WDR47: variants seen among roughly 807,000 people sequenced by gnomAD.
The protein encoded by WDR47 is WD repeat domain 47.
In WDR47, 32 loss-of-function variants were observed where a neutral mutation model predicts 97.2. The ratio of observed to expected loss-of-function variants is 0.33; its 90% CI spans 0.25 to 0.44. WDR47 has a LOEUF of 0.44. WDR47 is among the 20% of genes least tolerant of loss of function. The probability of loss-of-function intolerance (pLI) is 1.00; values close to 1 mark genes in which losing one functional copy is unlikely to be tolerated. For missense variants in WDR47, 782 were observed against 1,102.3 expected (o/e 0.71, Z 4.11); for synonymous variants, 375 against 373.5 (o/e 1.00, Z -0.05).
At chr1:108,985,309 G>A (rs1057249730) in intron 10 of WDR47, among the ~76,000 whole-genome samples, 1 of 152,066 alleles carries the variant, frequency 6.6e-6, no homozygotes, top group African/African-American at 2.4e-5. Flanking sequence ...AAAAAGCCAA[G>A]CTCTTTCTCA....
chr1:108,974,824 G>T, intron 13 of WDR47, 70 bp from the exon 14 acceptor site: 1 of 1,181,038 alleles, frequency 8.5e-7, no homozygotes, highest in Non-Finnish European at 1.2e-6. Context: ...AGCTGATTAT[G>T]TCCATTGAAC....
intron 9 of WDR47, 92 bp downstream of exon 9, chr1:108,991,162 A>C: frequency 1.6e-6 from 2 of 1,253,218 alleles, no homozygotes; most frequent in East Asian, 2.4e-5. Context: ...ACCACGTCTG[A>C]CTAAAATGGT....
intron 2 of WDR47, among the ~76,000 whole-genome samples, chr1:109,022,057 AGTCTG>A (rs1425168262): frequency 2.6e-5 from 4 of 152,066 alleles, no homozygotes; most frequent in Admixed American, 2.6e-4. Flanking sequence ...TACGTTGGCC[AGTCTG>A]GTCTCAAACT....
intron 6 of WDR47, among the ~76,000 whole-genome samples, chr1:109,004,073 G>A (rs927328398): frequency 6.6e-6 from 1 of 151,912 alleles, no homozygotes; most frequent in Admixed American, 6.6e-5. Context: ...GACCATCCTG[G>A]CTAACATGGT....
chr1:108,985,114 CAG>C (rs913544874), intron 10 of WDR47, among the ~76,000 whole-genome samples: 12 of 152,182 alleles, frequency 7.9e-5, no homozygotes, highest in African/African-American at 2.9e-4. Flanking sequence ...CAATCACAGG[CAG>C]AGTCATCATC....
intron 3 of WDR47, among the ~76,000 whole-genome samples, chr1:109,015,803 T>C (rs1428036604): frequency 6.7e-6 from 1 of 150,004 alleles, no homozygotes; most frequent in Non-Finnish European, 1.5e-5. Flanking sequence ...CTGACCAACA[T>C]GGTGAAACCC....
In WDR47 at chr1:108,982,633, G is replaced by C. The variant is rs769139292; in HGVS notation, c.2242C>G (p.Leu748Val). ...YTTDCQRGQG[L>V]HALSGHTGHI... Reference sequence around the variant, plus strand: ...CCAGTATGTCCACTCAAAGCATGGAGGCCCTGTCCTCTTTGACAATCGGTT... The same window carrying C: ...CCAGTATGTCCACTCAAAGCATGGACGCCCTGTCCTCTTTGACAATCGGTT... Residue 748 changes from leucine to valine, a missense_variant, in exon 12 of 15, where the codon CTC (leucine) becomes GTC (valine). Physicochemically the swap from Leu to Val is conservative, Grantham distance 32. Around this residue, in one of 3 missense-constraint regions of WDR47, gnomAD observed 228 missense variants for 396.7 expected, o/e 0.57. Transcript: ENST00000369962. 3 of 1,609,402 alleles carry C rather than the reference G, an allele frequency of 1.9e-6. No homozygotes were observed. Among genetic ancestry groups the C allele is most frequent in the Non-Finnish European group, 2.5e-6 (3 of 1,178,874 alleles).
chr1:109,018,103 A>G (rs940666657), intron 2 of WDR47, among the ~76,000 whole-genome samples: 2 of 152,126 alleles, frequency 1.3e-5, no homozygotes, highest in African/African-American at 4.8e-5. Flanking sequence ...AGAATTTGTG[A>G]ATCTGCAACC....
At chr1:108,981,692 A>G (rs370170653) in intron 13 of WDR47, 41 bp downstream of exon 13, 139 of 1,564,322 alleles carry the variant, frequency 8.9e-5, no homozygotes, top group Admixed American at 1.8e-4. Context: ...TCTAATTTAC[A>G]AAGTTTTTTT....
chr1:108,971,916 T>C (rs991126792), intron 14 of WDR47, among the ~76,000 whole-genome samples: 24 of 152,146 alleles, frequency 1.6e-4, no homozygotes, highest in African/African-American at 5.6e-4. Flanking sequence ...AACCCTCAGA[T>C]TTCTTCTGTT....
intron 1 of WDR47, among the ~76,000 whole-genome samples, chr1:109,039,127 A>G (rs1406804920): frequency 6.6e-6 from 1 of 152,248 alleles, no homozygotes; most frequent in Non-Finnish European, 1.5e-5. Flanking sequence ...CAGGTGGGTA[A>G]TGAGTGATGA....
rs2101945891 is a variant in WDR47 at position 109,011,733 on chromosome 1, T to A, written c.328-15A>T. ...GTAAATTCCAGCTGTAAGAAAAATA[T>A]AAATGATCAAATAATCACTATAAAA... On this transcript the variant is annotated splice_polypyrimidine_tract_variant and intron_variant, in intron 4 of 14. Transcript: ENST00000369962. The A allele has an allele frequency of 6.4e-7, 1 of 1,562,654 alleles. No individual in the cohort carries two copies. Among genetic ancestry groups the A allele is most frequent in the South Asian group, 1.2e-5 (1 of 83,932 alleles).
chr1:109,037,239 G>C lies in WDR47; in HGVS notation c.-10+4623C>G, dbSNP rs557632229. On this transcript the variant is annotated intron_variant, in intron 1 of 14. Transcript: ENST00000369962. Reference sequence around the variant, plus strand: ...AGCTACTAGGGAGGCTGAGGCAGGAGAATCACTTGAACCTGGAAGGCAGAG... The same window carrying C: ...AGCTACTAGGGAGGCTGAGGCAGGACAATCACTTGAACCTGGAAGGCAGAG... Among the ~76,000 whole-genome samples the C allele has an allele frequency of 7.3e-5, 11 of 151,640 alleles. 1 individual carries two copies. In the East Asian group the frequency reaches 2.0e-3, roughly 27 times the overall value.
intron 1 of WDR47, among the ~76,000 whole-genome samples, chr1:109,038,075 GC>G (rs1429404863): frequency 3.9e-5 from 6 of 151,986 alleles, no homozygotes; most frequent in African/African-American, 1.5e-4. Flanking sequence ...CTGGGCTCAA[GC>G]AATCCTCCCA....
chr1:108,972,924 C>T (rs36120227), intron 14 of WDR47, among the ~76,000 whole-genome samples: 15,959 of 145,428 alleles, frequency 0.11, 1,003 homozygotes, highest in African/African-American at 0.16. Context: ...CCAGCCTGGG[C>T]GACAGAGCGA....
At chr1:109,040,243 G>T (rs927793380) in intron 1 of WDR47, among the ~76,000 whole-genome samples, 4 of 152,132 alleles carry the variant, frequency 2.6e-5, no homozygotes, top group Non-Finnish European at 5.9e-5. Context: ...TCAGCTTACT[G>T]ATCTACTAAG....
chr1:108,978,916 C>A (rs1051994368), intron 13 of WDR47, among the ~76,000 whole-genome samples: 3 of 151,974 alleles, frequency 2.0e-5, no homozygotes, highest in African/African-American at 7.3e-5. Flanking sequence ...AAGGAAATGG[C>A]TAACGATATA....
At chr1:109,036,939 C>CT (rs1662996262) in intron 1 of WDR47, among the ~76,000 whole-genome samples, 2 of 152,212 alleles carry the variant, frequency 1.3e-5, no homozygotes, top group Non-Finnish European at 2.9e-5. Flanking sequence ...AGGCTCTTTA[C>CT]AATGAATACA....
At chr1:109,023,773 A>AT (rs1332164314) in intron 1 of WDR47, among the ~76,000 whole-genome samples, 1 of 152,168 alleles carries the variant, frequency 6.6e-6, no homozygotes, top group African/African-American at 2.4e-5. Context: ...AAACTTTGTG[A>AT]TTTACATGAA....
Sources: allele counts gnomAD v4.1 joint callset (sites outside exome capture counted in the v4.1 genomes callset), GRCh38; gene constraint gnomAD v4.1.1; regional missense constraint gnomAD v4.1.1; transcripts MANE v1.5; gene names NCBI Gene and HGNC (gene_info 2026-07-23, HGNC 2026-07-21).